GALNT17: variants seen among roughly 807,000 people sequenced by gnomAD.
The protein encoded by GALNT17 is polypeptide N-acetylgalactosaminyltransferase 17, also known as UDP-GalNAc:polypeptide N-acetylgalactosaminyltransferase-like 3.
Under a neutral mutation model 63.7 loss-of-function variants are expected in GALNT17, and 29 were observed. The ratio of observed to expected loss-of-function variants is 0.46; its 90% CI spans 0.34 to 0.62. The LOEUF is 0.62. Ranked by LOEUF, GALNT17 falls within the 20% of genes least tolerant of loss-of-function variation. The pLI is 0.01. For synonymous variants in GALNT17, 305 were observed against 318.3 expected, an observed-to-expected ratio of 0.96 and a Z score of 0.45; for missense variants, 603 against 799.6, an observed-to-expected ratio of 0.75 and a Z score of 2.97.
At chr7:71,363,007 C>T (rs1371407278) in intron 2 of GALNT17, among the ~76,000 whole-genome samples, 1 of 151,940 alleles carries the variant, frequency 6.6e-6, no homozygotes, top group African/African-American at 2.4e-5. Flanking sequence ...CACATTGTCA[C>T]CCAGGCTGGA....
chr7:71,265,118 A>ATATATATATATTTTTTTTT (rs1390488895), intron 1 of GALNT17, among the ~76,000 whole-genome samples: 1 of 37,460 alleles, frequency 2.7e-5, no homozygotes. Flanking sequence ...ATATATATAT[A>ATATATATATATTTTTTTTT]TTTTTTTTTT....
chr7:71,557,991 T>G (rs961043189), intron 5 of GALNT17, among the ~76,000 whole-genome samples: 3 of 151,926 alleles, frequency 2.0e-5, no homozygotes, highest in African/African-American at 7.3e-5. Flanking sequence ...GGAGAATGGT[T>G]TGAACCCAGG....
At chr7:71,171,016 T>C (rs1030742887) in intron 1 of GALNT17, among the ~76,000 whole-genome samples, 1 of 152,120 alleles carries the variant, frequency 6.6e-6, no homozygotes, top group Non-Finnish European at 1.5e-5. Context: ...TTTTTTTCCC[T>C]TAAGGTGACT....
intron 6 of GALNT17, among the ~76,000 whole-genome samples, chr7:71,655,650 A>G (rs2117030047): frequency 6.6e-6 from 1 of 152,310 alleles, no homozygotes; most frequent in East Asian, 1.9e-4. Context: ...AAATGGAGCC[A>G]GTGGCCTTTC....
Position 71,132,707 on chromosome 7 carries a change from T to G in GALNT17, c.-96T>G. 9.7e-7 allele frequency: 1 copy of G among 1,035,462 alleles called. No homozygotes were observed. The highest frequency in any genetic ancestry group is 1.4e-6 in the Non-Finnish European group (1 of 727,000). 64.1% of individuals were successfully genotyped at this position (1,035,462 alleles called of 1,614,324 possible). On this transcript the variant is annotated 5_prime_UTR_variant, in exon 1 of 11. Coordinates refer to ENST00000333538, the MANE Select transcript of GALNT17 (RefSeq NM_022479.3). ...CAGGGGCTTGGATCCCTGCCGGCCG[T>G]CTGGTGTGTGAGGCTTGCACGGCCC...
At chr7:71,489,930 G>A (rs1453991362) in intron 5 of GALNT17, among the ~76,000 whole-genome samples, 4 of 151,984 alleles carry the variant, frequency 2.6e-5, no homozygotes, top group East Asian at 3.9e-4. Context: ...AGGCCAAGGC[G>A]GGAGGATCTT....
At chr7:71,155,733 T>A (rs1165965092) in intron 1 of GALNT17, among the ~76,000 whole-genome samples, 2 of 151,860 alleles carry the variant, frequency 1.3e-5, no homozygotes, top group African/African-American at 4.9e-5. Flanking sequence ...AAATAACACA[T>A]CCTGGAAACC....
chr7:71,212,255 A>G (rs1490092671), intron 1 of GALNT17, among the ~76,000 whole-genome samples: 1 of 152,224 alleles, frequency 6.6e-6, no homozygotes, highest in Non-Finnish European at 1.5e-5. Flanking sequence ...GTGGCTTTGG[A>G]AGGTGGAAGC....
At chr7:71,268,537 T>A (rs901682763) in intron 1 of GALNT17, among the ~76,000 whole-genome samples, 1 of 147,034 alleles carries the variant, frequency 6.8e-6, no homozygotes, top group African/African-American at 2.5e-5. Flanking sequence ...GGCAACAGAA[T>A]GAGATCCATC....
At chr7:71,209,644 C>G (rs1256592878) in intron 1 of GALNT17, among the ~76,000 whole-genome samples, 1 of 152,120 alleles carries the variant, frequency 6.6e-6, no homozygotes, top group Non-Finnish European at 1.5e-5. Context: ...TGCAGGTGTG[C>G]ATCACCATGC....
At chr7:71,402,975 T>G (rs1793266783) in intron 3 of GALNT17, among the ~76,000 whole-genome samples, 1 of 152,216 alleles carries the variant, frequency 6.6e-6, no homozygotes, top group African/African-American at 2.4e-5. Context: ...GTAAGAATAC[T>G]TGTTTTTGCC....
intron 6 of GALNT17, among the ~76,000 whole-genome samples, chr7:71,579,124 G>A (rs1471875549): frequency 6.6e-6 from 1 of 152,226 alleles, no homozygotes; most frequent in Non-Finnish European, 1.5e-5. Context: ...GGCCTGGTGT[G>A]AAGGAAGTCA....
At chr7:71,651,531 T>C (rs1254641241) in intron 6 of GALNT17, among the ~76,000 whole-genome samples, 1 of 152,074 alleles carries the variant, frequency 6.6e-6, no homozygotes, top group Non-Finnish European at 1.5e-5. Flanking sequence ...CTCCATCTCT[T>C]GACCTCATGA....
rs776371191 is a variant in GALNT17, at chr7:71,677,215, G to A, written c.1409G>A (p.Arg470His). Residue 470 changes from arginine (R) to histidine (H), a missense_variant, in exon 9 of 11, where the codon CGC becomes CAC. By Grantham distance (29) the Arg-to-His change is conservative. This residue lies in a region of GALNT17 where 336 missense variants were observed against 507.8 expected (regional missense o/e 0.66). Coordinates refer to ENST00000333538, the MANE Select transcript of GALNT17 (RefSeq NM_022479.3). ...YNNTVAYGELRNNKAKDVCLD... is the reference protein window; with the variant it reads ...YNNTVAYGELHNNKAKDVCLD... ...GTGTTTTGTCTATTCTTGCAGCTTC[G>A]CAACAACAAGGCAAAAGACGTCTGC... 18 of 1,613,804 alleles carry A rather than the reference G, an allele frequency of 1.1e-5. No individual in the cohort carries two copies. Among genetic ancestry groups the A allele is most frequent in the Middle Eastern group, 1.7e-4 (1 of 6,054 alleles).
intron 6 of GALNT17, among the ~76,000 whole-genome samples, chr7:71,648,664 C>T (rs771434761): frequency 1.3e-5 from 2 of 152,080 alleles, no homozygotes; most frequent in East Asian, 1.9e-4. Context: ...CTTGAACTCT[C>T]GGTCTCAAGT....
intron 2 of GALNT17, among the ~76,000 whole-genome samples, chr7:71,337,659 G>A (rs1183282346): frequency 6.6e-6 from 1 of 152,080 alleles, no homozygotes. Flanking sequence ...CACGAGGTCA[G>A]GAGTTTGAGA....
chr7:71,393,138 T>C (rs1793079455), intron 3 of GALNT17, among the ~76,000 whole-genome samples: 1 of 152,254 alleles, frequency 6.6e-6, no homozygotes, highest in South Asian at 2.1e-4. Flanking sequence ...CTTTGGCAAC[T>C]ATAGATTTGT....
chr7:71,490,243 C>T (rs1461190914), intron 5 of GALNT17, among the ~76,000 whole-genome samples: 5 of 144,982 alleles, frequency 3.4e-5, no homozygotes, highest in African/African-American at 7.8e-5. Flanking sequence ...GGTGATAGGG[C>T]GAGACTCTGT....
chr7:71,641,486 GCAGATTCTGTGT>G (rs1287500234), intron 6 of GALNT17, among the ~76,000 whole-genome samples: 1 of 152,088 alleles, frequency 6.6e-6, no homozygotes, highest in Non-Finnish European at 1.5e-5. Flanking sequence ...CAAGATCAAG[GCAGATTCTGTGT>G]CTGGTAAGGG....
Sources: allele counts gnomAD v4.1 joint callset (sites outside exome capture counted in the v4.1 genomes callset), GRCh38; gene constraint gnomAD v4.1.1; regional missense constraint gnomAD v4.1.1; transcripts MANE v1.5; gene names NCBI Gene and HGNC (gene_info 2026-07-23, HGNC 2026-07-21).